The following BCKDHB variants were observed in gnomAD, a reference collection of about 807,000 sequenced individuals.
BCKDHB encodes the protein 2-oxoisovalerate dehydrogenase subunit beta, mitochondrial.
A neutral mutation model predicts 48.5 loss-of-function variants in BCKDHB; 41 were observed. The observed-to-expected ratio is 0.85, with a 90% CI of 0.66 to 1.10. The LOEUF is 1.10. BCKDHB is among the 50% of genes least tolerant of loss of function. The probability of loss-of-function intolerance (pLI) is 0.00; values close to 1 mark genes in which losing one functional copy is unlikely to be tolerated. For missense variants in BCKDHB, 496 were observed against 494.2 expected (o/e 1.00, Z -0.03); for synonymous variants, 201 against 174.8 (o/e 1.15, Z -1.18).
intron 1 of BCKDHB, 123 bp from the exon 2 acceptor site, chr6:80,127,424 G>T: frequency 1.2e-6 from 1 of 807,976 alleles, no homozygotes; most frequent in Non-Finnish European, 2.1e-6. Context: ...AAATAATTCA[G>T]CAATTTGCAT....
At chr6:80,184,641 T>C (rs1315997884) in intron 6 of BCKDHB, among the ~76,000 whole-genome samples, 1 of 152,198 alleles carries the variant, frequency 6.6e-6, no homozygotes, top group East Asian at 1.9e-4. Flanking sequence ...TAGTGGAGAA[T>C]TCTTTCAGCA....
chr6:80,364,665 G>C, the BCKDHB span, among the ~76,000 whole-genome samples: 1 of 152,120 alleles, frequency 6.6e-6, no homozygotes, highest in African/African-American at 2.4e-5. Context: ...AAACTCAGTG[G>C]CTTTCAGTTG....
chr6:80,113,279 C>G (rs184046626), intron 1 of BCKDHB, among the ~76,000 whole-genome samples: 2 of 152,350 alleles, frequency 1.3e-5, no homozygotes, highest in Admixed American at 1.3e-4. Context: ...GTATGGGCAG[C>G]TATCCCCCTT....
At chr6:80,137,452 A>G (rs1770944341) in intron 3 of BCKDHB, among the ~76,000 whole-genome samples, 2 of 152,174 alleles carry the variant, frequency 1.3e-5, no homozygotes, top group African/African-American at 4.8e-5. Context: ...GTGGTGGTAC[A>G]ATCATACTTC....
the BCKDHB span, among the ~76,000 whole-genome samples, chr6:80,432,524 G>T: frequency 6.6e-5 from 10 of 151,950 alleles, no homozygotes; most frequent in Admixed American, 5.9e-4. Context: ...GTGTTTTTCG[G>T]CTCCATCTGG....
At chr6:80,464,444 G>A in the BCKDHB span, among the ~76,000 whole-genome samples, 1 of 152,048 alleles carries the variant, frequency 6.6e-6, no homozygotes, top group African/African-American at 2.4e-5. Context: ...TAAATCTTTA[G>A]TGATTCACTT....
chr6:80,212,271 A>C (rs977727744), intron 8 of BCKDHB, among the ~76,000 whole-genome samples: 1 of 152,144 alleles, frequency 6.6e-6, no homozygotes, highest in African/African-American at 2.4e-5. Flanking sequence ...CTCAGTCCTT[A>C]TCTCAACTGC....
At chr6:80,258,068 C>T (rs1777134046) in intron 8 of BCKDHB, among the ~76,000 whole-genome samples, 2 of 152,116 alleles carry the variant, frequency 1.3e-5, no homozygotes, top group East Asian at 3.9e-4. Context: ...TTTAATTCTG[C>T]CTTTAAATAC....
the BCKDHB span, among the ~76,000 whole-genome samples, chr6:80,462,711 G>C: frequency 6.6e-6 from 1 of 152,124 alleles, no homozygotes; most frequent in African/African-American, 2.4e-5. Flanking sequence ...CCACATTCAT[G>C]GCTTTTGGGA....
At chr6:80,451,458 T>A in the BCKDHB span, among the ~76,000 whole-genome samples, 2 of 152,224 alleles carry the variant, frequency 1.3e-5, no homozygotes, top group Admixed American at 6.5e-5. Flanking sequence ...GAAAGTGGCA[T>A]TCTTGGCTAG....
chr6:80,224,904 G>T (rs1390212095), intron 8 of BCKDHB, among the ~76,000 whole-genome samples: 1 of 152,184 alleles, frequency 6.6e-6, no homozygotes, highest in Admixed American at 6.5e-5. Context: ...GATGGTTGCT[G>T]AGCACCCACT....
the BCKDHB span, among the ~76,000 whole-genome samples, chr6:80,365,368 G>T: frequency 6.6e-6 from 1 of 152,132 alleles, no homozygotes; most frequent in Non-Finnish European, 1.5e-5. Context: ...CCAGGGTGTA[G>T]CTCAGTCCTT....
intron 7 of BCKDHB, among the ~76,000 whole-genome samples, chr6:80,201,928 C>G (rs1177438690): frequency 6.6e-6 from 1 of 152,104 alleles, no homozygotes; most frequent in Admixed American, 6.6e-5. Flanking sequence ...ACTCTCCTTT[C>G]CTTTTGATTT....
At chr6:80,128,610 C>A (rs763251267) in intron 2 of BCKDHB, among the ~76,000 whole-genome samples, 1 of 152,090 alleles carries the variant, frequency 6.6e-6, no homozygotes. Flanking sequence ...TTGGAATGCT[C>A]TTCTGATGGC....
intron 9 of BCKDHB, among the ~76,000 whole-genome samples, chr6:80,303,810 A>T (rs1447532025): frequency 6.6e-6 from 1 of 152,040 alleles, no homozygotes; most frequent in Admixed American, 6.6e-5. Flanking sequence ...CTCCTTTGAA[A>T]GAATGGAGAC....
chr6:80,202,994 G>A (rs764747407), intron 7 of BCKDHB, 108 bp from the exon 8 acceptor site: 13 of 809,446 alleles, frequency 1.6e-5, no homozygotes, highest in Non-Finnish European at 6.5e-6. Context: ...ATGCAGATCA[G>A]TTCCTGAGAC....
downstream of BCKDHB, among the ~76,000 whole-genome samples, chr6:80,346,711 G>T (rs1029049747): frequency 4.6e-5 from 7 of 152,196 alleles, no homozygotes; most frequent in African/African-American, 1.7e-4. Context: ...AAAAACAACA[G>T]TAGCAACAAC....
intron 1 of BCKDHB, among the ~76,000 whole-genome samples, chr6:80,120,876 C>G (rs1000625855): frequency 6.6e-6 from 1 of 152,038 alleles, no homozygotes; most frequent in Non-Finnish European, 1.5e-5. Flanking sequence ...ATTAGATCCC[C>G]TTTGTCTATT....
the BCKDHB span, among the ~76,000 whole-genome samples, chr6:80,394,820 C>A: frequency 6.6e-6 from 1 of 152,094 alleles, no homozygotes; most frequent in African/African-American, 2.4e-5. Context: ...TTCCCATAAT[C>A]CCCATGTGTC....
Sources: gnomAD v4.1 joint callset for allele counts (sites outside exome capture counted in the v4.1 genomes callset) on GRCh38, gnomAD v4.1.1 for gene constraint, MANE v1.5 for transcripts, NCBI Gene and HGNC (gene_info 2026-07-23, HGNC 2026-07-21) for gene names.